PRKG1: variants seen among roughly 807,000 people sequenced by gnomAD.
PRKG1 encodes the protein cGMP-dependent protein kinase 1.
Under a neutral mutation model 88.1 loss-of-function variants are expected in PRKG1, and 35 were observed. The ratio of observed to expected loss-of-function variants is 0.40; its 90% confidence interval spans 0.30 to 0.53. PRKG1 has a LOEUF of 0.53. Ranked by LOEUF, PRKG1 falls within the 20% of genes least tolerant of loss-of-function variation. The pLI, the probability that PRKG1 is intolerant of heterozygous loss-of-function variation, is 0.59. For missense variants in PRKG1, 540 were observed against 839.8 expected, an observed-to-expected ratio of 0.64 and a Z score of 4.41; for synonymous variants, 303 against 292.5, an observed-to-expected ratio of 1.04 and a Z score of -0.37.
intron 3 of PRKG1, among the ~76,000 whole-genome samples, chr10:51,648,701 A>G (rs1839972258): frequency 6.6e-6 from 1 of 152,144 alleles, no homozygotes; most frequent in Non-Finnish European, 1.5e-5. Context: ...ATTACCAATA[A>G]GGGTTTTGTT....
At position 51,874,481 on chromosome 10, in the gene PRKG1, C is replaced by T. The variant is rs1273351947; in HGVS notation, c.699-33026C>T. On this transcript the variant is annotated intron_variant, in intron 4 of 17. Transcript: ENST00000373980. The stretch of plus-strand genomic sequence containing the variant: ...CACCATTTTTTTGTAAATTCATTAT[C>T]TGCAAATCCAATATGTTGTTGATGC... Among the ~76,000 whole-genome samples the T allele has an allele frequency of 3.3e-5, 5 of 152,178 alleles. No homozygotes were observed. The East Asian group carries it at 5.8e-4, about 18-fold the overall frequency.
Position 52,293,775 on chromosome 10 carries a change from T to TA in PRKG1, c.1963-19dup, listed in dbSNP as rs145115489. ...TGGAATTCCACTAAAAAAAATCCACTAAAAAAAACCTGTCCATTTTTTACA... is the reference window on the plus strand; with the variant it reads ...TGGAATTCCACTAAAAAAAATCCACTAAAAAAAAACCTGTCCATTTTTTACA... On this transcript the variant is annotated intron_variant, in intron 17 of 17. Transcript: ENST00000373980. 226 of 1,573,360 alleles carry TA rather than the reference T, an allele frequency of 1.4e-4. 1 individual carries two copies. Among genetic ancestry groups the TA allele is most frequent in the African/African-American group, 1.8e-4 (13 of 73,374 alleles).
At chr10:51,105,495 A>G (rs900320037) in intron 1 of PRKG1, among the ~76,000 whole-genome samples, 3 of 152,196 alleles carry the variant, frequency 2.0e-5, no homozygotes, top group African/African-American at 7.2e-5. Context: ...CGAAGGGAGA[A>G]AAGAAGGTTG....
At chr10:51,432,746 A>G (rs1160254814) in intron 2 of PRKG1, among the ~76,000 whole-genome samples, 2 of 152,058 alleles carry the variant, frequency 1.3e-5, no homozygotes, top group African/African-American at 4.8e-5. Context: ...TACCCAGCAA[A>G]CATACAGATT....
intron 3 of PRKG1, among the ~76,000 whole-genome samples, chr10:51,645,488 C>A (rs1405412582): frequency 6.6e-6 from 1 of 152,130 alleles, no homozygotes; most frequent in Non-Finnish European, 1.5e-5. Context: ...TACACAATAG[C>A]TTAATAATTA....
chr10:51,277,537 A>C (rs1324660993), intron 2 of PRKG1, among the ~76,000 whole-genome samples: 1 of 152,210 alleles, frequency 6.6e-6, no homozygotes, highest in South Asian at 2.1e-4. Context: ...CATTGAATCT[A>C]TAAATTACCT....
intron 1 of PRKG1, among the ~76,000 whole-genome samples, chr10:51,057,294 A>G (rs1032937266): frequency 2.6e-5 from 4 of 152,232 alleles, no homozygotes; most frequent in African/African-American, 7.2e-5. Context: ...ATTGTGTAAT[A>G]TAAATGTTTG....
At chr10:51,963,304 T>C (rs536929547) in intron 5 of PRKG1, among the ~76,000 whole-genome samples, 25 of 152,298 alleles carry the variant, frequency 1.6e-4, no homozygotes, top group South Asian at 1.2e-3. Context: ...TTGATAGTTA[T>C]TTTAAGAAGA....
chr10:51,984,841 A>G (rs377383934), intron 5 of PRKG1, among the ~76,000 whole-genome samples: 67 of 152,288 alleles, frequency 4.4e-4, no homozygotes, highest in African/African-American at 1.6e-3. Flanking sequence ...TAACAGAAAA[A>G]GAAAATCCTA....
intron 5 of PRKG1, among the ~76,000 whole-genome samples, chr10:51,959,556 CCTT>C (rs1391506833): frequency 6.6e-6 from 1 of 152,090 alleles, no homozygotes; most frequent in Non-Finnish European, 1.5e-5. Context: ...CAATTTTTCT[CCTT>C]CTCCCCAGGT....
chr10:51,061,061 G>T (rs992277994), intron 1 of PRKG1, among the ~76,000 whole-genome samples: 1 of 2,464 alleles, frequency 4.1e-4, no homozygotes, highest in Admixed American at 4.5e-3. Flanking sequence ...ATACCTAGGG[G>T]TGTGTGTGTG....
At chr10:52,199,694 C>T (rs185304814) in intron 9 of PRKG1, among the ~76,000 whole-genome samples, 102 of 152,220 alleles carry the variant, frequency 6.7e-4, no homozygotes, top group African/African-American at 2.3e-3. Flanking sequence ...GGATTTACTC[C>T]GTGACCCCAG....
intron 9 of PRKG1, among the ~76,000 whole-genome samples, chr10:52,228,304 G>T (rs2132346903): frequency 6.6e-6 from 1 of 151,446 alleles, no homozygotes; most frequent in East Asian, 1.9e-4. Flanking sequence ...AAAAAGAAAT[G>T]AAGAGGTCGC....
chr10:51,817,213 A>G (rs983444159), intron 4 of PRKG1, among the ~76,000 whole-genome samples: 4 of 151,986 alleles, frequency 2.6e-5, no homozygotes, highest in African/African-American at 4.8e-5. Flanking sequence ...TTTTTAAATT[A>G]TACTTTAAGT....
intron 5 of PRKG1, among the ~76,000 whole-genome samples, chr10:52,018,522 C>A (rs1845100383): frequency 6.6e-6 from 1 of 152,068 alleles, no homozygotes; most frequent in African/African-American, 2.4e-5. Context: ...GATTCTTGTA[C>A]CAGATTAGCT....
At chr10:52,080,595 T>C (rs572122615) in intron 7 of PRKG1, among the ~76,000 whole-genome samples, 1 of 152,314 alleles carries the variant, frequency 6.6e-6, no homozygotes, top group East Asian at 1.9e-4. Flanking sequence ...ATTTGGTTGA[T>C]AAGTACAAAA....
chr10:52,248,899 C>T (rs1310890068), intron 9 of PRKG1, among the ~76,000 whole-genome samples: 1 of 28,948 alleles, frequency 3.5e-5, no homozygotes, highest in Non-Finnish European at 1.3e-4. Context: ...CCTTCCTTTC[C>T]TTTCTCTTTT....
chr10:51,213,857 T>C (rs1021090135), intron 2 of PRKG1, among the ~76,000 whole-genome samples: 29 of 152,076 alleles, frequency 1.9e-4, no homozygotes, highest in African/African-American at 5.6e-4. Context: ...GAATGGGAAG[T>C]TGTTTTATTC....
At chr10:51,427,018 A>T (rs1440824013) in intron 2 of PRKG1, among the ~76,000 whole-genome samples, 2 of 152,202 alleles carry the variant, frequency 1.3e-5, no homozygotes, top group African/African-American at 4.8e-5. Flanking sequence ...AAGCTCACTT[A>T]GAATATTTGC....
Sources: gnomAD v4.1 joint callset for allele counts (sites outside exome capture counted in the v4.1 genomes callset) on GRCh38, gnomAD v4.1.1 for gene constraint, MANE v1.5 for transcripts, NCBI Gene and HGNC (gene_info 2026-07-23, HGNC 2026-07-21) for gene names.